The following NRXN3 variants were observed in gnomAD, a reference collection of about 807,000 sequenced individuals.
NRXN3 encodes the protein neurexin 3.
A neutral mutation model predicts 137.6 loss-of-function variants in NRXN3; 32 were observed. The ratio of observed to expected loss-of-function variants is 0.23; its 90% CI spans 0.18 to 0.31. The LOEUF is 0.31. Among genes scored for constraint, NRXN3 ranks in the 10% least tolerant of loss-of-function variants. The pLI, the probability that NRXN3 is intolerant of heterozygous loss-of-function variation, is 1.00. For missense variants in NRXN3, 1,574 were observed against 2,062.5 expected (o/e 0.76, Z 4.59); for synonymous variants, 798 against 784.5 (o/e 1.02, Z -0.29).
intron 8 of NRXN3, among the ~76,000 whole-genome samples, chr14:78,743,172 T>C (rs2098588802): frequency 6.6e-6 from 1 of 152,212 alleles, no homozygotes; most frequent in Non-Finnish European, 1.5e-5. Flanking sequence ...CACAAATGAT[T>C]ATAGCCTCTC....
chr14:78,789,169 A>G (rs781289369), intron 8 of NRXN3, among the ~76,000 whole-genome samples: 22 of 152,174 alleles, frequency 1.4e-4, no homozygotes, highest in Non-Finnish European at 2.2e-4. Context: ...TCCCTGAATC[A>G]CCGGAGTTAG....
rs200615795 is a variant in NRXN3, at chr14:79,196,733, G to GA, written c.3262+208600dup. Among the ~76,000 whole-genome samples, 208 of 151,734 alleles carry GA rather than the reference G, an allele frequency of 1.4e-3. 1 individual carries two copies. Among genetic ancestry groups the GA allele is most frequent in the African/African-American group, 4.8e-3 (199 of 41,388 alleles). On this transcript the variant is annotated intron_variant, in intron 15 of 20. Coordinates refer to ENST00000335750, the MANE Select transcript of NRXN3 (RefSeq NM_001330195.2). The stretch of plus-strand genomic sequence containing the variant: ...CATTTGCTTGCTTAAACTGTTGTAT[G>GA]AAAAAAAAGAAATGTGCTGCAAAGA...
Position 79,861,843 on chromosome 14 carries a change from A to C in NRXN3, c.4595A>C (p.Glu1532Ala). The C allele has an allele frequency of 1.2e-6, 2 of 1,614,162 alleles. No homozygotes were observed. The highest frequency in any genetic ancestry group is 8.5e-7 in the Non-Finnish European group (1 of 1,180,034). The change falls in exon 21 of 21, where the codon GAG becomes GCG. Residue 1532 changes from glutamate to alanine, a missense_variant. Physicochemically the swap from Glu to Ala is moderately radical, Grantham distance 107. Transcript: ENST00000335750. This position sits in a 1 kb window ranked among gnomAD's most constrained non-coding sequence, Gnocchi z 5.4. ...NRDEGSYQVD[E>A]TRNYISNSAQ... ...GACGAGGGGTCCTATCAAGTGGACG[A>C]GACGCGGAACTACATCAGCAACTCC...
intron 6 of NRXN3, among the ~76,000 whole-genome samples, chr14:78,667,584 G>A (rs1331699464): frequency 6.6e-6 from 1 of 152,170 alleles, no homozygotes; most frequent in Non-Finnish European, 1.5e-5. Context: ...CTGTAAGAAA[G>A]TTGCTGTTTC....
intron 19 of NRXN3, among the ~76,000 whole-genome samples, chr14:79,731,141 G>A (rs1472958958): frequency 6.6e-6 from 1 of 152,154 alleles, no homozygotes; most frequent in African/African-American, 2.4e-5. Context: ...CAACTCAACT[G>A]TGCAGGGTAG....
intron 15 of NRXN3, among the ~76,000 whole-genome samples, chr14:79,284,733 C>G (rs1367433256): frequency 6.6e-6 from 1 of 152,074 alleles, no homozygotes; most frequent in Non-Finnish European, 1.5e-5. Context: ...TTCTTGGACT[C>G]ATTCCTTGTC....
intron 4 of NRXN3, among the ~76,000 whole-genome samples, chr14:78,349,862 T>C (rs150061546): frequency 6.8e-4 from 104 of 152,356 alleles, no homozygotes; most frequent in Non-Finnish European, 1.1e-3. Context: ...AATTTACTAA[T>C]TGAACAAAAT....
intron 16 of NRXN3, among the ~76,000 whole-genome samples, chr14:79,556,273 A>C (rs1423438748): frequency 6.6e-6 from 1 of 152,152 alleles, no homozygotes; most frequent in Non-Finnish European, 1.5e-5. Flanking sequence ...TTATTCTCTG[A>C]GAGGTAAGCA....
chr14:78,612,960 C>T (rs545007662), intron 4 of NRXN3, among the ~76,000 whole-genome samples: 2 of 152,292 alleles, frequency 1.3e-5, no homozygotes, highest in South Asian at 2.1e-4. Context: ...CATGGTTCCT[C>T]AAAGTGAAAT....
intron 1 of NRXN3, among the ~76,000 whole-genome samples, chr14:78,196,797 A>G (rs1185067816): frequency 6.6e-6 from 1 of 152,186 alleles, no homozygotes; most frequent in African/African-American, 2.4e-5. Context: ...TCTTAGTTAC[A>G]CGGGAGAAGG....
chr14:79,510,433 C>T (rs1218779712), intron 16 of NRXN3, among the ~76,000 whole-genome samples: 1 of 152,124 alleles, frequency 6.6e-6, no homozygotes, highest in African/African-American at 2.4e-5. Flanking sequence ...GAAGACTTAC[C>T]AGCCAGGTTA....
chr14:79,057,726 G>C (rs2099667613), intron 15 of NRXN3, among the ~76,000 whole-genome samples: 1 of 152,160 alleles, frequency 6.6e-6, no homozygotes, highest in Non-Finnish European at 1.5e-5. Flanking sequence ...CACTCTAAGG[G>C]GAGAGTTGGC....
chr14:79,452,357 CAT>C (rs2096188666), intron 15 of NRXN3, among the ~76,000 whole-genome samples: 1 of 152,062 alleles, frequency 6.6e-6, no homozygotes, highest in Admixed American at 6.6e-5. Flanking sequence ...TGAATACATC[CAT>C]CATAATAAAT....
intron 19 of NRXN3, among the ~76,000 whole-genome samples, chr14:79,787,413 G>A (rs1030507174): frequency 2.0e-5 from 3 of 152,190 alleles, no homozygotes; most frequent in South Asian, 4.1e-4. Context: ...TCTTTTACAT[G>A]AATGAATTTT....
chr14:79,209,750 A>C (rs1183808807), intron 15 of NRXN3, among the ~76,000 whole-genome samples: 2 of 152,226 alleles, frequency 1.3e-5, no homozygotes, highest in Non-Finnish European at 1.5e-5. Context: ...TGCTTGGCAC[A>C]TGAAAGATGT....
chr14:78,423,494 G>C (rs1037928783), intron 4 of NRXN3, among the ~76,000 whole-genome samples: 5 of 152,134 alleles, frequency 3.3e-5, no homozygotes, highest in African/African-American at 1.2e-4. Context: ...TTGGAATGAC[G>C]GCGCCTCATC....
At chr14:78,777,237 G>A (rs527694359) in intron 8 of NRXN3, among the ~76,000 whole-genome samples, 1 of 152,198 alleles carries the variant, frequency 6.6e-6, no homozygotes, top group South Asian at 2.1e-4. Flanking sequence ...GTTATTCAAT[G>A]GACACATTCT....
intron 4 of NRXN3, among the ~76,000 whole-genome samples, chr14:78,596,716 A>C (rs1007808087): frequency 6.6e-6 from 1 of 152,192 alleles, no homozygotes; most frequent in Non-Finnish European, 1.5e-5. Context: ...GAATGATTAA[A>C]GTGAGGTGGG....
At chr14:78,680,011 A>G (rs1384601417) in intron 6 of NRXN3, among the ~76,000 whole-genome samples, 1 of 152,168 alleles carries the variant, frequency 6.6e-6, no homozygotes, top group Non-Finnish European at 1.5e-5. Flanking sequence ...ACTAATCTAT[A>G]ATCTAAGATT....
Sources: gnomAD v4.1 joint callset for allele counts (sites outside exome capture counted in the v4.1 genomes callset) on GRCh38, gnomAD v4.1.1 for gene constraint, Gnocchi (gnomAD v3.1) non-coding constraint, MANE v1.5 for transcripts, NCBI Gene and HGNC (gene_info 2026-07-23, HGNC 2026-07-21) for gene names.